Variants in ERICH3 observed in about 807,000 individuals in gnomAD.
The protein encoded by ERICH3 is glutamate rich 3.
Under a neutral mutation model 131.1 loss-of-function variants are expected in ERICH3, and 126 were observed. The ratio of observed to expected loss-of-function variants is 0.96; its 90% confidence interval spans 0.83 to 1.11. The LOEUF (loss-of-function observed/expected upper bound fraction) is 1.11, where lower values mean the gene tolerates loss of function less well. ERICH3 is among the 50% of genes most tolerant of loss of function. The pLI, the probability that ERICH3 is intolerant of heterozygous loss-of-function variation, is 0.00. For missense variants in ERICH3, 2,050 were observed against 1,810.7 expected (o/e 1.13, Z -2.40); for synonymous variants, 695 against 644.6 (o/e 1.08, Z -1.18).
At chr1:74,599,585 A>C in intron 11 of ERICH3, 110 bp downstream of exon 11, 1 of 958,230 alleles carries the variant, frequency 1.0e-6, no homozygotes, top group South Asian at 1.7e-5. Context: ...GTTAGAAAAC[A>C]TACATTCAAG....
intron 1 of ERICH3, among the ~76,000 whole-genome samples, chr1:74,666,024 T>C (rs1034916972): frequency 6.6e-6 from 1 of 152,178 alleles, no homozygotes; most frequent in Non-Finnish European, 1.5e-5. Flanking sequence ...GAATTATCTG[T>C]GCTGGCAAAC....
chr1:74,669,723 T>A (rs758898064), intron 1 of ERICH3, among the ~76,000 whole-genome samples: 1 of 152,240 alleles, frequency 6.6e-6, no homozygotes, highest in Non-Finnish European at 1.5e-5. Context: ...TTTTATTTAC[T>A]CCTAACTCTA....
At position 74,641,370 on chromosome 1, in the gene ERICH3, A is replaced by G. The variant is rs948015084; in HGVS notation, c.405T>C (p.Ser135=). The change falls in exon 5 of 15, where the codon AGT becomes AGC. Residue 135 remains serine, a synonymous_variant. Coordinates refer to ENST00000326665, the MANE Select transcript of ERICH3 (RefSeq NM_001002912.5). The part of the protein sequence containing the change: ...PVGPKSNRGH[S]VLVDEGHSSP... ...TGGAATGTCCTTCATCAACCAGAACACTATGGCCACGATTACTCTTTGGGC... is the reference window on the plus strand; with the variant it reads ...TGGAATGTCCTTCATCAACCAGAACGCTATGGCCACGATTACTCTTTGGGC... 3 of 1,612,938 alleles carry G rather than the reference A, an allele frequency of 1.9e-6. No individual in the cohort carries two copies. The highest frequency in any genetic ancestry group is 1.7e-4 in the Middle Eastern group (1 of 6,044).
intron 6 of ERICH3, 96 bp from the exon 7 acceptor site, chr1:74,632,024 A>G: frequency 9.2e-7 from 1 of 1,091,454 alleles, no homozygotes; most frequent in Non-Finnish European, 1.3e-6. Flanking sequence ...TTGACATTGC[A>G]TGCAAACACA....
intron 12 of ERICH3, among the ~76,000 whole-genome samples, chr1:74,585,822 T>C (rs1052326320): frequency 6.6e-6 from 1 of 152,114 alleles, no homozygotes; most frequent in African/African-American, 2.4e-5. Flanking sequence ...ACAAAAAATT[T>C]CAAGAATATT....
chr1:74,625,724 G>C (rs927247636), intron 7 of ERICH3: 4 of 152,112 alleles, frequency 2.6e-5, no homozygotes, highest in African/African-American at 9.7e-5. Flanking sequence ...ACAAAAACTG[G>C]ACTGAGCTAT....
chr1:74,669,777 G>C (rs994997324), intron 1 of ERICH3, among the ~76,000 whole-genome samples: 19 of 152,170 alleles, frequency 1.2e-4, no homozygotes, highest in African/African-American at 4.6e-4. Context: ...TTTACATCAA[G>C]TGCTTCATGC....
intron 10 of ERICH3, among the ~76,000 whole-genome samples, chr1:74,600,236 T>C (rs1360276198): frequency 6.6e-6 from 1 of 151,802 alleles, no homozygotes; most frequent in African/African-American, 2.4e-5. Flanking sequence ...AAGAACTTGA[T>C]ATAAAACAAT....
chr1:74,582,102 T>C (rs1222735939), intron 12 of ERICH3, among the ~76,000 whole-genome samples: 2 of 152,160 alleles, frequency 1.3e-5, no homozygotes, highest in African/African-American at 4.8e-5. Context: ...GTAGCTGACT[T>C]TTTGTTGGTG....
intron 6 of ERICH3, chr1:74,634,542 A>T (rs1557693515): frequency 6.6e-6 from 4 of 603,352 alleles, no homozygotes; most frequent in Non-Finnish European, 1.2e-5. Context: ...AGGAAAAAAA[A>T]ATTGCTCCCC....
intron 8 of ERICH3, among the ~76,000 whole-genome samples, chr1:74,618,450 G>C (rs1431082393): frequency 1.3e-5 from 2 of 152,174 alleles, no homozygotes; most frequent in Non-Finnish European, 2.9e-5. Context: ...ACAGATAGAT[G>C]CAACAGGATC....
chr1:74,662,722 C>T (rs1291634886), intron 1 of ERICH3, among the ~76,000 whole-genome samples: 1 of 152,234 alleles, frequency 6.6e-6, no homozygotes, highest in African/African-American at 2.4e-5. Flanking sequence ...TTATAGCATG[C>T]TTGCCTGCTT....
In ERICH3 at chr1:74,572,616, C is replaced by T; in HGVS notation, c.3094G>A (p.Glu1032Lys). Residue 1032 changes from glutamate to lysine, a missense_variant, in exon 14 of 15, where the codon GAA becomes AAA. Transcript: ENST00000326665. ...AFLCKEDVEG[E>K]EMVTEAEANR... ...GCTTCTGCCTCAGTCACCATCTCTT[C>T]CCCTTCCACATCTTCCTTGCAAAGG... 6.2e-7 allele frequency: 1 copy of T among 1,614,068 alleles called. No homozygotes were observed. Among genetic ancestry groups the T allele is most frequent in the East Asian group, 2.2e-5 (1 of 44,852 alleles).
intron 6 of ERICH3, among the ~76,000 whole-genome samples, chr1:74,636,076 T>A (rs954079116): frequency 4.6e-5 from 7 of 152,158 alleles, no homozygotes; most frequent in African/African-American, 1.2e-4. Flanking sequence ...TATTCTTTAC[T>A]TTTTTGCTCA....
intron 6 of ERICH3, among the ~76,000 whole-genome samples, chr1:74,632,266 G>A (rs1276759351): frequency 1.3e-5 from 2 of 151,990 alleles, no homozygotes; most frequent in East Asian, 1.9e-4. Flanking sequence ...CAGAGCTTTA[G>A]TCCAGTTAGC....
intron 1 of ERICH3, among the ~76,000 whole-genome samples, chr1:74,669,400 A>C (rs564460460): frequency 6.6e-6 from 1 of 152,146 alleles, no homozygotes; most frequent in Non-Finnish European, 1.5e-5. Flanking sequence ...TTTACAGCCA[A>C]GTGTATCTTT....
intron 2 of ERICH3, among the ~76,000 whole-genome samples, chr1:74,648,639 C>A (rs1280946192): frequency 6.6e-6 from 1 of 152,116 alleles, no homozygotes; most frequent in Non-Finnish European, 1.5e-5. Context: ...CTTTCTATAA[C>A]CACATCTCTT....
At chr1:74,633,667 T>C (rs559771269) in intron 6 of ERICH3, among the ~76,000 whole-genome samples, 1 of 152,116 alleles carries the variant, frequency 6.6e-6, no homozygotes, top group East Asian at 1.9e-4. Flanking sequence ...GTTAAAACAA[T>C]ACCCTATTAC....
chr1:74,581,831 T>C lies in ERICH3; in HGVS notation c.2177-4895A>G, dbSNP rs114876329. On this transcript the variant is annotated intron_variant, in intron 12 of 14. Transcript: ENST00000326665. ...GCTTCTTGAATGCTCTTAAATCCCATTGGGATGCAGATTTTCCTCAAAAAC... is the reference window on the plus strand; with the variant it reads ...GCTTCTTGAATGCTCTTAAATCCCACTGGGATGCAGATTTTCCTCAAAAAC... 2.6e-3 allele frequency among the ~76,000 whole-genome samples: 402 copies of C among 152,270 alleles called. 3 individuals carry two copies. Among genetic ancestry groups the C allele is most frequent in the African/African-American group, 9.0e-3 (372 of 41,554 alleles).
Sources: gnomAD v4.1 joint callset for allele counts (sites outside exome capture counted in the v4.1 genomes callset) on GRCh38, gnomAD v4.1.1 for gene constraint, MANE v1.5 for transcripts, NCBI Gene and HGNC (gene_info 2026-07-23, HGNC 2026-07-21) for gene names.